Variants in C9orf85 observed in about 807,000 individuals in gnomAD.
The protein encoded by C9orf85 is uncharacterized protein C9orf85.
In C9orf85, 16 loss-of-function variants were observed where a neutral mutation model predicts 14.9. That is an observed-to-expected ratio of 1.08 (90% CI 0.73 to 1.63). The LOEUF (loss-of-function observed/expected upper bound fraction) is 1.63. Among genes scored for constraint, C9orf85 ranks in the 40% most tolerant of loss-of-function variants. The pLI is 0.00. For missense variants in C9orf85, 172 were observed against 186.1 expected (o/e 0.92, Z 0.44); for synonymous variants, 45 against 56.8 (o/e 0.79, Z 0.93).
intron 1 of C9orf85, among the ~76,000 whole-genome samples, chr9:71,924,612 A>G (rs1047545604): frequency 7.9e-5 from 12 of 152,206 alleles, no homozygotes; most frequent in Non-Finnish European, 1.6e-4. Context: ...TGGATATGAA[A>G]TGCCAAGCTA....
chr9:71,942,555 C>G (rs1246520935), intron 1 of C9orf85, among the ~76,000 whole-genome samples: 1 of 152,106 alleles, frequency 6.6e-6, no homozygotes, highest in African/African-American at 2.4e-5. Flanking sequence ...TTATGTCCAA[C>G]AATGTTCTAG....
In C9orf85 at chr9:71,942,543, C is replaced by G. The variant is rs188340128; in HGVS notation, c.103-4463C>G. 7.7e-3 allele frequency among the ~76,000 whole-genome samples: 1,169 copies of G among 152,200 alleles called. 6 individuals are homozygous for G. Among genetic ancestry groups the G allele is most frequent in the Non-Finnish European group, 0.012 (833 of 68,016 alleles). ...TTTTTTGGTTGTGTTTTGTAAGATA[C>G]TTTATGTCCAACAATGTTCTAGCCA... is the stretch of plus-strand genomic sequence containing the variant. On this transcript the variant is annotated intron_variant, in intron 1 of 3. Transcript: ENST00000334731.
downstream of C9orf85, among the ~76,000 whole-genome samples, chr9:71,976,733 T>TG (rs1823008209): frequency 6.6e-6 from 1 of 151,218 alleles, no homozygotes; most frequent in African/African-American, 2.4e-5. Flanking sequence ...CCAGGATTTT[T>TG]TTTTTTTCAA....
rs375460091 is a variant in C9orf85 at position 71,954,409 on chromosome 9, G to T, written c.209+7297G>T. ...GTCCCAATCCAGACCCCAAGAGAGG[G>T]TTCTTGGATCTCGTGAAAGCAAGTT... On this transcript the variant is annotated intron_variant, in intron 2 of 3. Coordinates refer to ENST00000334731, the MANE Select transcript of C9orf85 (RefSeq NM_182505.5). Among the ~76,000 whole-genome samples, 4 of 152,154 alleles carry T rather than the reference G, an allele frequency of 2.6e-5. No homozygotes were observed. The East Asian group carries it at 7.7e-4, about 29-fold the overall frequency.
chr9:71,933,048 G>A (rs1828106883), intron 1 of C9orf85, among the ~76,000 whole-genome samples: 1 of 152,126 alleles, frequency 6.6e-6, no homozygotes, highest in Admixed American at 6.5e-5. Context: ...CTTGAAGATA[G>A]GACAATGGAA....
At chr9:71,927,533 G>T (rs1378374920) in intron 1 of C9orf85, among the ~76,000 whole-genome samples, 1 of 152,164 alleles carries the variant, frequency 6.6e-6, no homozygotes, top group Non-Finnish European at 1.5e-5. Context: ...TAACGATCTT[G>T]TCTTGTTTGG....
intron 1 of C9orf85, among the ~76,000 whole-genome samples, chr9:71,922,812 G>A (rs1490080888): frequency 1.3e-5 from 2 of 152,116 alleles, no homozygotes; most frequent in Admixed American, 1.3e-4. Flanking sequence ...GCTCCTCACT[G>A]GTAACTGCTG....
chr9:71,945,933 T>C (rs1416077976), intron 1 of C9orf85, among the ~76,000 whole-genome samples: 2 of 152,222 alleles, frequency 1.3e-5, no homozygotes, highest in Non-Finnish European at 2.9e-5. Context: ...AAATATATAG[T>C]CTGTGTCCTG....
chr9:71,938,625 G>A (rs1279783252), intron 1 of C9orf85, among the ~76,000 whole-genome samples: 2 of 151,812 alleles, frequency 1.3e-5, no homozygotes, highest in Non-Finnish European at 2.9e-5. Context: ...TAAAGAAGTA[G>A]TACACACTTG....
chr9:71,979,481 CTT>C (rs1332124796), intron 3 of C9orf85, among the ~76,000 whole-genome samples: 8 of 151,964 alleles, frequency 5.3e-5, no homozygotes, highest in Non-Finnish European at 1.0e-4. Flanking sequence ...TCTTGAAACT[CTT>C]GGATGGAGGT....
At chr9:71,957,868 AAT>A (rs1200056896) in intron 2 of C9orf85, among the ~76,000 whole-genome samples, 2 of 152,148 alleles carry the variant, frequency 1.3e-5, no homozygotes, top group Non-Finnish European at 2.9e-5. Flanking sequence ...CATTGCAGAG[AAT>A]ATGTCTTAGA....
chr9:71,924,751 G>C (rs1437783514), intron 1 of C9orf85, among the ~76,000 whole-genome samples: 4 of 152,088 alleles, frequency 2.6e-5, no homozygotes, highest in Admixed American at 6.5e-5. Flanking sequence ...TAATATATTT[G>C]ACATCATGGT....
intron 2 of C9orf85, among the ~76,000 whole-genome samples, chr9:71,962,882 C>T (rs529967220): frequency 1.3e-5 from 2 of 152,212 alleles, no homozygotes; most frequent in East Asian, 3.9e-4. Context: ...ATGGTGAAAC[C>T]CTGTCTCTAC....
intron 1 of C9orf85, among the ~76,000 whole-genome samples, chr9:71,934,438 T>G (rs1355911420): frequency 6.6e-6 from 1 of 152,250 alleles, no homozygotes; most frequent in Non-Finnish European, 1.5e-5. Flanking sequence ...CACTTTCTCT[T>G]TCTGCTATCA....
chr9:71,949,224 C>T (rs1459943001), intron 2 of C9orf85, among the ~76,000 whole-genome samples: 1 of 152,126 alleles, frequency 6.6e-6, no homozygotes, highest in East Asian at 1.9e-4. Context: ...TTTATGTAGT[C>T]ACAGCATTTT....
chr9:71,935,102 CAG>C (rs560840175), intron 1 of C9orf85, among the ~76,000 whole-genome samples: 3 of 152,176 alleles, frequency 2.0e-5, no homozygotes, highest in African/African-American at 4.8e-5. Flanking sequence ...TACAAACAAA[CAG>C]AAAGTAACAT....
At chr9:71,945,980 A>G (rs1822077307) in intron 1 of C9orf85, among the ~76,000 whole-genome samples, 1 of 152,244 alleles carries the variant, frequency 6.6e-6, no homozygotes, top group Non-Finnish European at 1.5e-5. Flanking sequence ...TAAAACTATT[A>G]GAGAAAATAC....
intron 2 of C9orf85, among the ~76,000 whole-genome samples, chr9:71,968,444 GT>G (rs981827395): frequency 6.6e-6 from 1 of 151,264 alleles, no homozygotes; most frequent in Non-Finnish European, 1.5e-5. Context: ...AATTAGGAGA[GT>G]TTTTTTAGAG....
At chr9:71,953,914 C>A (rs1288702125) in intron 2 of C9orf85, among the ~76,000 whole-genome samples, 1 of 152,010 alleles carries the variant, frequency 6.6e-6, no homozygotes, top group Non-Finnish European at 1.5e-5. Flanking sequence ...GCCTGGGCAA[C>A]ATAGCAAGAC....
Sources: allele counts gnomAD v4.1 joint callset (sites outside exome capture counted in the v4.1 genomes callset), GRCh38; gene constraint gnomAD v4.1.1; transcripts MANE v1.5; gene names NCBI Gene and HGNC (gene_info 2026-07-23, HGNC 2026-07-21).